The following ATP13A3 variants were observed in gnomAD, a reference collection of about 807,000 sequenced individuals.
The protein encoded by ATP13A3 is ATPase 13A3, also known as polyamine-transporting ATPase 13A3.
In ATP13A3, 59 loss-of-function variants were observed where a neutral mutation model predicts 158.1. The observed-to-expected ratio is 0.37, with a 90% CI of 0.30 to 0.46. The LOEUF (loss-of-function observed/expected upper bound fraction) is 0.46, where lower values mean the gene tolerates loss of function less well. Ranked by LOEUF, ATP13A3 falls within the 20% of genes least tolerant of loss-of-function variation. The pLI is 1.00. For missense variants in ATP13A3, 1,166 were observed against 1,525.2 expected (o/e 0.76, Z 3.92); for synonymous variants, 491 against 504.3 (o/e 0.97, Z 0.35).
intron 26 of ATP13A3, 116 bp from the exon 27 acceptor site, chr3:194,429,890 T>G (rs1717091902): frequency 1.9e-6 from 2 of 1,063,654 alleles, no homozygotes; most frequent in Admixed American, 4.6e-5. Context: ...AACAAAGTGC[T>G]TATCCACCAA....
At chr3:194,481,481 G>T (rs1007461382) in intron 2 of ATP13A3, among the ~76,000 whole-genome samples, 9 of 152,004 alleles carry the variant, frequency 5.9e-5, no homozygotes, top group African/African-American at 1.9e-4. Flanking sequence ...AAAGGATCTG[G>T]GGTTAGACCA....
chr3:194,418,348 ATAT>A (rs1390468039), intron 31 of ATP13A3, among the ~76,000 whole-genome samples: 1 of 152,180 alleles, frequency 6.6e-6, no homozygotes, highest in Non-Finnish European at 1.5e-5. Flanking sequence ...TTAAAAAGAG[ATAT>A]TATAAACAAA....
chr3:194,460,600 C>G (rs1257128972), intron 4 of ATP13A3, 58 bp downstream of exon 4: 5 of 1,541,956 alleles, frequency 3.2e-6, no homozygotes, highest in Non-Finnish European at 4.4e-6. Context: ...ATAAAGTATA[C>G]ACAAAGACAT....
intron 2 of ATP13A3, among the ~76,000 whole-genome samples, chr3:194,473,521 T>C (rs1485339712): frequency 6.6e-6 from 1 of 151,836 alleles, no homozygotes; most frequent in African/African-American, 2.4e-5. Context: ...CAACCTTATA[T>C]ATTGGTCTTA....
chr3:194,413,654 T>C (rs1715600564), intron 32 of ATP13A3, 105 bp downstream of exon 32: 2 of 1,014,146 alleles, frequency 2.0e-6, no homozygotes, highest in African/African-American at 1.6e-5. Flanking sequence ...AAACTGAGAC[T>C]CTGTGGCTTT....
At chr3:194,407,881 G>C (rs974998002) in intron 33 of ATP13A3, among the ~76,000 whole-genome samples, 1 of 152,146 alleles carries the variant, frequency 6.6e-6, no homozygotes, top group African/African-American at 2.4e-5. Context: ...TGCCTTTCCA[G>C]TATAGGCACA....
intron 2 of ATP13A3, among the ~76,000 whole-genome samples, chr3:194,483,121 A>AAT (rs1365387165): frequency 6.6e-6 from 1 of 151,132 alleles, no homozygotes; most frequent in African/African-American, 2.4e-5. Context: ...AAAAAAAAAA[A>AAT]ATTTTTTTTT....
intron 31 of ATP13A3, among the ~76,000 whole-genome samples, chr3:194,415,663 T>TTTTTTTTTTTTTG (rs1715789541): frequency 2.7e-3 from 248 of 90,384 alleles, no homozygotes; most frequent in African/African-American, 0.018. Flanking sequence ...ACCACATTCT[T>TTTTTTTTTTTTTG]TTTTTTTTTT....
At chr3:194,454,201 A>G in intron 9 of ATP13A3, 57 bp downstream of exon 9, 1 of 1,479,208 alleles carries the variant, frequency 6.8e-7, no homozygotes, top group Non-Finnish European at 9.3e-7. Flanking sequence ...TACACACATT[A>G]GATGTTACTA....
chr3:194,469,720 G>A (rs1202711500), intron 2 of ATP13A3, among the ~76,000 whole-genome samples: 3 of 152,032 alleles, frequency 2.0e-5, no homozygotes, highest in Non-Finnish European at 2.9e-5. Context: ...CATCTTTAAA[G>A]ACCACACAAG....
At chr3:194,406,259 T>G in intron 33 of ATP13A3, 143 bp from the exon 34 acceptor site, 2 of 921,958 alleles carry the variant, frequency 2.2e-6, no homozygotes, top group African/African-American at 3.4e-5. Context: ...GAAAAAAAAA[T>G]CCATGTTAAA....
At chr3:194,482,921 C>T (rs372702815) in intron 2 of ATP13A3, among the ~76,000 whole-genome samples, 47 of 152,182 alleles carry the variant, frequency 3.1e-4, no homozygotes, top group African/African-American at 1.1e-3. Flanking sequence ...GACTGGTCAA[C>T]ATGGTGAAAC....
Position 194,494,139 on chromosome 3 carries a change from C to T in ATP13A3, n.657G>A, listed in dbSNP as rs537144138. 7.5e-6 allele frequency: 3 copies of T among 398,422 alleles called. No homozygotes were observed. Among genetic ancestry groups the T allele is most frequent in the Non-Finnish European group, 4.4e-6 (1 of 226,074 alleles). The allele number at this position is 398,422 out of a possible 1,614,324, so 24.7% of individuals were successfully genotyped here. A position where few individuals can be genotyped will look rare whatever the true frequency, so the allele number is the denominator to read the frequency against. ...AACCAAATGAAGCCAGAGTGATTCA[C>T]CAGAATGAGTTCATCTCGCATCAAA... On this transcript the variant is annotated non_coding_transcript_exon_variant, in exon 2 of 33. Transcript: ENST00000687055. The surrounding 1 kb of genome is among the most constrained non-coding windows in gnomAD (Gnocchi z 4.2).
At chr3:194,446,425 G>A (rs568337097) in intron 14 of ATP13A3, among the ~76,000 whole-genome samples, 3 of 152,306 alleles carry the variant, frequency 2.0e-5, no homozygotes, top group South Asian at 2.1e-4. Context: ...CCTGCGATAC[G>A]ATGGCATCCT....
chr3:194,476,330 ATC>A (rs1229163728), intron 2 of ATP13A3, among the ~76,000 whole-genome samples: 1 of 152,048 alleles, frequency 6.6e-6, no homozygotes, highest in Non-Finnish European at 1.5e-5. Flanking sequence ...TTCAGCACTA[ATC>A]TCTCATGTGC....
At chr3:194,489,772 G>C (rs1721124220), upstream of ATP13A3, among the ~76,000 whole-genome samples, 1 of 152,220 alleles carries the variant, frequency 6.6e-6, no homozygotes, top group Admixed American at 6.5e-5. The surrounding 1 kb of genome is among the most constrained non-coding windows in gnomAD (Gnocchi z 4.1). Context: ...TTTGAGAATG[G>C]TGAAAAAAGG....
intron 2 of ATP13A3, among the ~76,000 whole-genome samples, chr3:194,475,732 C>T (rs765200616): frequency 2.6e-5 from 4 of 152,080 alleles, no homozygotes; most frequent in Non-Finnish European, 5.9e-5. Context: ...CACACACACA[C>T]GCACACAGAC....
chr3:194,457,882 T>G (rs1055261170), intron 6 of ATP13A3, among the ~76,000 whole-genome samples: 1 of 149,150 alleles, frequency 6.7e-6, no homozygotes, highest in Non-Finnish European at 1.5e-5. Flanking sequence ...GCCTCCTGGG[T>G]TCAAGCCATT....
chr3:194,451,054 G>A (rs528129556), intron 10 of ATP13A3: 1 of 152,220 alleles, frequency 6.6e-6, no homozygotes, highest in African/African-American at 2.4e-5. Flanking sequence ...TCCCTGTCCA[G>A]GTTTAATACT....
Sources: allele counts gnomAD v4.1 joint callset (sites outside exome capture counted in the v4.1 genomes callset), GRCh38; gene constraint gnomAD v4.1.1; non-coding constraint Gnocchi (gnomAD v3.1); transcripts MANE v1.5; gene names NCBI Gene and HGNC (gene_info 2026-07-23, HGNC 2026-07-21).